The following MRC1 variants were observed in gnomAD, a reference collection of about 807,000 sequenced individuals.
MRC1 encodes the protein mannose receptor C-type 1.
In MRC1, 62 loss-of-function variants were observed where a neutral mutation model predicts 102.9. That is an observed-to-expected ratio of 0.60 (90% CI 0.49 to 0.74). MRC1 has a LOEUF of 0.74. Ranked by LOEUF, MRC1 falls within the 30% of genes least tolerant of loss-of-function variation. The pLI, the probability that MRC1 is intolerant of heterozygous loss-of-function variation, is 0.00. For missense variants in MRC1, 1,237 were observed against 862.8 expected (o/e 1.43, Z -5.43); for synonymous variants, 457 against 298.4 (o/e 1.53, Z -5.48).
In MRC1 at chr10:17,900,868, A is replaced by C; in HGVS notation, c.3564A>C (p.Ser1188=). 1.3e-6 allele frequency: 1 copy of C among 780,844 alleles called. No individual in the cohort carries two copies. The allele number at this position is 780,844 out of a possible 1,614,324, so 48.4% of individuals were successfully genotyped here. A position where few individuals can be genotyped will look rare whatever the true frequency, so the allele number is the denominator to read the frequency against. Residue 1188 remains serine (S), a synonymous_variant, in exon 25 of 30, where the codon TCA becomes TCC. Transcript: ENST00000569591. ...NWAADEPKLK[S]ACVYLDLDGY... Reference sequence around the variant, plus strand: ...CTGCTGATGAGCCCAAATTGAAATCAGCATGTGTTTATCTGGATCTTGATG... The same window carrying C: ...CTGCTGATGAGCCCAAATTGAAATCCGCATGTGTTTATCTGGATCTTGATG...
chr10:17,827,747 G>A (rs950330780), intron 3 of MRC1, 32 bp downstream of exon 3: 4 of 780,304 alleles, frequency 5.1e-6, no homozygotes, highest in African/African-American at 5.1e-5. Context: ...GAAAAGTTGG[G>A]CACATTTAGT....
rs902576427 is a variant in MRC1, at chr10:17,907,882, A to G, written c.4078+184A>G. 2.6e-5 allele frequency among the ~76,000 whole-genome samples: 4 copies of G among 152,076 alleles called. 1 individual carries two copies. The highest frequency in any genetic ancestry group is 1.9e-4 in the East Asian group (1 of 5,176). On this transcript the variant is annotated intron_variant, in intron 28 of 29. Coordinates refer to ENST00000569591, the MANE Select transcript of MRC1 (RefSeq NM_002438.4). The stretch of plus-strand genomic sequence containing the variant: ...TTGCAGCTCTGCGTGAGTGAGAGAC[A>G]CTCTCTGTCTGCTTAGCTGTTGTAT...
chr10:17,897,912 C>T (rs1458353632), intron 23 of MRC1, 122 bp from the exon 24 acceptor site: 45 of 754,888 alleles, frequency 6.0e-5, no homozygotes, highest in Non-Finnish European at 1.0e-4. Flanking sequence ...TTTCTAACAG[C>T]TGAATGTTTG....
In MRC1 at chr10:17,840,731, C is replaced by T. The variant is rs782170694; in HGVS notation, c.841C>T (p.Leu281Phe). Residue 281 changes from leucine (L) to phenylalanine (F), a missense_variant, in exon 5 of 30, where the codon CTT becomes TTT. Physicochemically the swap from Leu to Phe is conservative, Grantham distance 22 (BLOSUM62 0). Coordinates refer to ENST00000569591, the MANE Select transcript of MRC1 (RefSeq NM_002438.4). The part of the protein sequence containing the change: ...SSLTSGLWIG[L>F]NSLSFNSGWQ... ...CTTGACCTCAGGACTCTGGATTGGA[C>T]TTAACAGTCTGAGCTTCAACAGCGG... The T allele has an allele frequency of 1.3e-6, 1 of 780,884 alleles. No homozygotes were observed. 48.4% of individuals were successfully genotyped at this position (780,884 alleles called of 1,614,324 possible).
At chr10:17,825,219 C>T (rs1838455313) in intron 2 of MRC1, among the ~76,000 whole-genome samples, 1 of 152,012 alleles carries the variant, frequency 6.6e-6, no homozygotes, top group African/African-American at 2.4e-5. Flanking sequence ...CTGATGAGAA[C>T]ATGGGGGAGG....
At chr10:17,866,410 G>A (rs1833267978) in intron 11 of MRC1, 152 bp from the exon 12 acceptor site, 29 of 709,840 alleles carry the variant, frequency 4.1e-5, no homozygotes, top group South Asian at 3.5e-4. Context: ...TTTGCCAAAT[G>A]TTAGAAATAT....
intron 21 of MRC1, among the ~76,000 whole-genome samples, chr10:17,884,886 A>T (rs1418820080): frequency 6.6e-6 from 1 of 152,176 alleles, no homozygotes; most frequent in Admixed American, 6.5e-5. Context: ...TATAAATCAG[A>T]TTATCTTATT....
At chr10:17,862,227 A>T (rs1280615164) in intron 10 of MRC1, among the ~76,000 whole-genome samples, 1 of 152,332 alleles carries the variant, frequency 6.6e-6, no homozygotes, top group African/African-American at 2.4e-5. Flanking sequence ...GATATTAAAA[A>T]ATCTTTGGAT....
intron 28 of MRC1, among the ~76,000 whole-genome samples, chr10:17,908,913 A>T (rs1833932485): frequency 1.3e-5 from 2 of 152,178 alleles, no homozygotes; most frequent in East Asian, 3.9e-4. Context: ...TTAACATCTT[A>T]GGCTTCAGCA....
At chr10:17,879,654 C>T in intron 18 of MRC1, 67 bp from the exon 19 acceptor site, 1 of 780,748 alleles carries the variant, frequency 1.3e-6, no homozygotes, top group Non-Finnish European at 2.4e-6. Context: ...TGAGCCACTG[C>T]TCCTGGCCTG....
intron 8 of MRC1, among the ~76,000 whole-genome samples, chr10:17,853,548 A>G (rs947039551): frequency 3.3e-5 from 5 of 150,984 alleles, no homozygotes; most frequent in African/African-American, 9.8e-5. Flanking sequence ...TGATTACAAG[A>G]GATGTAAAAA....
chr10:17,852,174 A>G (rs1207669451), intron 7 of MRC1, among the ~76,000 whole-genome samples: 6 of 152,216 alleles, frequency 3.9e-5, no homozygotes, highest in Non-Finnish European at 8.8e-5. Flanking sequence ...AATTTTTAGC[A>G]TGGCACCTAC....
intron 12 of MRC1, 43 bp from the exon 13 acceptor site, chr10:17,870,203 A>C: frequency 1.3e-6 from 1 of 753,640 alleles, no homozygotes; most frequent in Non-Finnish European, 2.5e-6. Context: ...AATTTGATAA[A>C]CTACAAAGCA....
At chr10:17,866,519 C>T in intron 11 of MRC1, 43 bp from the exon 12 acceptor site, 2 of 780,832 alleles carry the variant, frequency 2.6e-6, no homozygotes, top group Non-Finnish European at 4.8e-6. Flanking sequence ...AGGCCTTCAG[C>T]AGGCACCTGT....
Position 17,902,004 on chromosome 10 carries a change from T to A in MRC1, c.3681T>A (p.Pro1227=). 1.3e-6 allele frequency: 1 copy of A among 780,838 alleles called. No individual in the cohort carries two copies. The highest frequency in any genetic ancestry group is 1.3e-5 in the South Asian group (1 of 74,608). 48.4% of individuals were successfully genotyped at this position (780,838 alleles called of 1,614,324 possible). Reference sequence around the variant, plus strand: ...CTGCTACTGAACCCCCACAACTGCCTGGCAGATGCCCGGAGTCAGATCACA... The same window carrying A: ...CTGCTACTGAACCCCCACAACTGCCAGGCAGATGCCCGGAGTCAGATCACA... ...EIPATEPPQL[P]GRCPESDHTA... is the part of the protein sequence containing the mutation. Residue 1227 remains proline (P), a synonymous_variant, in exon 26 of 30, where the codon CCT becomes CCA. Coordinates refer to ENST00000569591, the MANE Select transcript of MRC1 (RefSeq NM_002438.4).
At chr10:17,811,800 C>T (rs1316800624) in intron 1 of MRC1, among the ~76,000 whole-genome samples, 2 of 151,788 alleles carry the variant, frequency 1.3e-5, no homozygotes, top group Admixed American at 6.6e-5. Context: ...TTGCTCAGGC[C>T]GATCTCAAAC....
chr10:17,882,979 G>A (rs1259777776), intron 21 of MRC1, among the ~76,000 whole-genome samples: 1 of 152,204 alleles, frequency 6.6e-6, no homozygotes. Flanking sequence ...ACAGGCACAC[G>A]TAGTTGAATT....
At chr10:17,859,119 T>G (rs1833141344) in intron 9 of MRC1, among the ~76,000 whole-genome samples, 1 of 152,228 alleles carries the variant, frequency 6.6e-6, no homozygotes, top group African/African-American at 2.4e-5. Context: ...ATTGCTATGG[T>G]TTTCTTTTAT....
intron 26 of MRC1, among the ~76,000 whole-genome samples, chr10:17,904,217 C>G (rs1833867765): frequency 6.6e-6 from 1 of 152,114 alleles, no homozygotes; most frequent in South Asian, 2.1e-4. Flanking sequence ...CTTGTAGTTT[C>G]CTTTATTGAT....
Sources: allele counts gnomAD v4.1 joint callset (sites outside exome capture counted in the v4.1 genomes callset), GRCh38; gene constraint gnomAD v4.1.1; transcripts MANE v1.5; gene names NCBI Gene and HGNC (gene_info 2026-07-23, HGNC 2026-07-21).